Variants in ZMIZ1 observed in about 807,000 individuals in gnomAD.
ZMIZ1 encodes zinc finger MIZ domain-containing protein 1.
A neutral mutation model predicts 113.9 loss-of-function variants in ZMIZ1; 17 were observed. The observed-to-expected ratio is 0.15, with a 90% CI of 0.10 to 0.22. ZMIZ1 has a LOEUF of 0.22. Ranked by LOEUF, ZMIZ1 falls within the 10% of genes least tolerant of loss-of-function variation. The pLI is 1.00. For missense variants in ZMIZ1, 1,059 were observed against 1,477.8 expected, an observed-to-expected ratio of 0.72 and a Z score of 4.65; for synonymous variants, 607 against 603.1, an observed-to-expected ratio of 1.01 and a Z score of -0.09.
At chr10:79,083,142 T>C (rs999999165) in intron 1 of ZMIZ1, among the ~76,000 whole-genome samples, 2 of 152,240 alleles carry the variant, frequency 1.3e-5, no homozygotes, top group African/African-American at 4.8e-5. Flanking sequence ...GCCTGAGTTA[T>C]AATCAGTGCT....
intron 7 of ZMIZ1, among the ~76,000 whole-genome samples, chr10:79,222,871 G>A (rs1395007218): frequency 1.3e-5 from 2 of 152,190 alleles, no homozygotes; most frequent in Admixed American, 1.3e-4. Flanking sequence ...AGGCACAGGT[G>A]TCAGAGGCCA....
Position 79,313,775 on chromosome 10 carries a change from C to T in ZMIZ1, c.*1026C>T. 1 of 334,924 alleles carries T rather than the reference C, an allele frequency of 3.0e-6. No homozygotes were observed. The highest frequency in any genetic ancestry group is 5.9e-6 in the Non-Finnish European group (1 of 168,666). 20.7% of individuals were successfully genotyped at this position (334,924 alleles called of 1,614,324 possible). On this transcript the variant is annotated 3_prime_UTR_variant, in exon 25 of 25. Coordinates refer to ENST00000334512, the MANE Select transcript of ZMIZ1 (RefSeq NM_020338.4). ...CGTCTGTTCTGTTTTTCTCCTAGTC[C>T]CTCTCCTGCCACCTCTCCAAGACTT...
At chr10:79,132,170 C>A (rs1844797855) in intron 2 of ZMIZ1, among the ~76,000 whole-genome samples, 1 of 152,174 alleles carries the variant, frequency 6.6e-6, no homozygotes, top group Non-Finnish European at 1.5e-5. Context: ...TTCTAATGAC[C>A]CCGGGGCTTG....
At chr10:79,270,708 T>C (rs112510023) in intron 7 of ZMIZ1, among the ~76,000 whole-genome samples, 2 of 152,270 alleles carry the variant, frequency 1.3e-5, no homozygotes, top group African/African-American at 4.8e-5. Context: ...TCTGCTGAGG[T>C]CAACTCTCCC....
At chr10:79,204,140 G>A (rs1287194841) in intron 5 of ZMIZ1, among the ~76,000 whole-genome samples, 1 of 152,218 alleles carries the variant, frequency 6.6e-6, no homozygotes, top group African/African-American at 2.4e-5. Context: ...AGAAAGGCAA[G>A]CATGTGTGCA....
chr10:79,174,272 G>C (rs552553028), intron 4 of ZMIZ1, among the ~76,000 whole-genome samples: 6 of 152,316 alleles, frequency 3.9e-5, no homozygotes, highest in Non-Finnish European at 7.3e-5. Context: ...GGACACCGGG[G>C]ACACACAGCT....
chr10:79,139,561 G>A, intron 2 of ZMIZ1, 121 bp from the exon 3 acceptor site: 1 of 397,144 alleles, frequency 2.5e-6, no homozygotes, highest in East Asian at 3.6e-5. Flanking sequence ...ATCCCGGGGT[G>A]TGCTTAAGTG....
At chr10:79,212,302 C>T (rs1337866695) in intron 6 of ZMIZ1, among the ~76,000 whole-genome samples, 3 of 152,012 alleles carry the variant, frequency 2.0e-5, no homozygotes, top group Non-Finnish European at 4.4e-5. Flanking sequence ...GGACTACAGG[C>T]ACCTGCCACC....
In ZMIZ1 at chr10:79,298,602, C is replaced by G. The variant is rs36020730; in HGVS notation, c.1666+22C>G. On this transcript the variant is annotated intron_variant, in intron 15 of 24. Transcript: ENST00000334512. The stretch of plus-strand genomic sequence containing the variant: ...CCAGGTGAGGGCCCTCCCTCCCTCT[C>G]TTGGCAGCTCCACCTGGGCCCCCCA... The G allele has an allele frequency of 0.025, 39,014 of 1,579,736 alleles. 4,315 individuals carry two copies. In the African/African-American group the frequency reaches 0.33, roughly 13 times the overall value.
At chr10:79,191,572 C>T (rs1357009315) in intron 4 of ZMIZ1, among the ~76,000 whole-genome samples, 3 of 152,192 alleles carry the variant, frequency 2.0e-5, no homozygotes, top group African/African-American at 7.2e-5. Context: ...GGCCTGGGCC[C>T]AGCACTGGAC....
At chr10:79,212,563 C>T (rs1449234850) in intron 6 of ZMIZ1, among the ~76,000 whole-genome samples, 2 of 152,096 alleles carry the variant, frequency 1.3e-5, no homozygotes, top group Non-Finnish European at 2.9e-5. Flanking sequence ...ACCAGCCTAG[C>T]CAACATGGTG....
At chr10:79,228,586 C>CCT (rs1156395126) in intron 7 of ZMIZ1, among the ~76,000 whole-genome samples, 1 of 152,264 alleles carries the variant, frequency 6.6e-6, no homozygotes, top group Non-Finnish European at 1.5e-5. Context: ...AGACCCCTGC[C>CCT]CTCTTGCCCC....
intron 7 of ZMIZ1, among the ~76,000 whole-genome samples, chr10:79,219,708 G>T (rs566880107): frequency 3.9e-5 from 6 of 152,304 alleles, no homozygotes; most frequent in African/African-American, 1.4e-4. Flanking sequence ...TTGTGTCTGT[G>T]AACTCACGTG....
At chr10:79,079,280 A>C (rs704012) in intron 1 of ZMIZ1, among the ~76,000 whole-genome samples, 12,594 of 152,244 alleles carry the variant, frequency 0.083, 715 homozygotes, top group African/African-American at 0.15. Context: ...TGTTTCACCC[A>C]TGGGGGCTGT....
intron 4 of ZMIZ1, among the ~76,000 whole-genome samples, chr10:79,175,633 G>GTGTGTGTGT (rs1216136831): frequency 0.02 from 1,463 of 72,534 alleles, 34 homozygotes; most frequent in Middle Eastern, 0.071. Flanking sequence ...TGTGTGTGGA[G>GTGTGTGTGT]GTTTTTACAG....
chr10:79,240,636 A>ATT (rs1589466733), intron 7 of ZMIZ1, among the ~76,000 whole-genome samples: 1 of 78,528 alleles, frequency 1.3e-5, no homozygotes. Flanking sequence ...AAGAGTATTT[A>ATT]TCTTTTTTTT....
intron 6 of ZMIZ1, among the ~76,000 whole-genome samples, chr10:79,213,653 C>T (rs1434139999): frequency 6.6e-6 from 1 of 152,240 alleles, no homozygotes; most frequent in Non-Finnish European, 1.5e-5. Flanking sequence ...TTTTGCCTTC[C>T]TGCCCTGAAC....
At chr10:79,201,541 G>T in intron 4 of ZMIZ1, 43 bp from the exon 5 acceptor site, 2 of 1,470,648 alleles carry the variant, frequency 1.4e-6, no homozygotes, top group East Asian at 4.6e-5. Flanking sequence ...AAGGTTGGCA[G>T]GCCTGGCGTG....
At chr10:79,122,038 G>A (rs1844312807) in intron 2 of ZMIZ1, among the ~76,000 whole-genome samples, 1 of 152,164 alleles carries the variant, frequency 6.6e-6, no homozygotes, top group Non-Finnish European at 1.5e-5. Flanking sequence ...TCAAGATGAT[G>A]ACAGCAGAGT....
Sources: gnomAD v4.1 joint callset for allele counts (sites outside exome capture counted in the v4.1 genomes callset) on GRCh38, gnomAD v4.1.1 for gene constraint, MANE v1.5 for transcripts, NCBI Gene and HGNC (gene_info 2026-07-23, HGNC 2026-07-21) for gene names.